Variants in BMPR1A observed in about 807,000 individuals in gnomAD.
The protein encoded by BMPR1A is bone morphogenetic protein receptor type 1A, also known as bone morphogenetic protein receptor type-1A.
In BMPR1A, 7 loss-of-function variants were observed where a neutral mutation model predicts 66.0. The observed-to-expected ratio is 0.11, with a 90% CI of 0.06 to 0.20. The LOEUF (loss-of-function observed/expected upper bound fraction) is 0.20, where lower values mean the gene tolerates loss of function less well. Ranked by LOEUF, BMPR1A falls within the 10% of genes least tolerant of loss-of-function variation. The pLI is 1.00. For missense variants in BMPR1A, 408 were observed against 669.1 expected, an observed-to-expected ratio of 0.61 and a Z score of 4.31; for synonymous variants, 200 against 229.7, an observed-to-expected ratio of 0.87 and a Z score of 1.17.
intron 2 of BMPR1A, among the ~76,000 whole-genome samples, chr10:86,874,709 CTTTTT>C (rs200991488): frequency 5.4e-5 from 5 of 92,436 alleles, no homozygotes; most frequent in African/African-American, 2.0e-4. Flanking sequence ...ACCCGACCTT[CTTTTT>C]TTTTTTTTTT....
At chr10:86,857,151 C>T (rs2133213315) in intron 2 of BMPR1A, among the ~76,000 whole-genome samples, 1 of 152,234 alleles carries the variant, frequency 6.6e-6, no homozygotes, top group Admixed American at 6.5e-5. Flanking sequence ...GTGTTCTCTC[C>T]TTTCTTCCTT....
In BMPR1A at chr10:86,876,099, C is replaced by G. The variant is rs2133322204; in HGVS notation, c.67+14C>G. ...CTCGTGTTCAAGGTAAATCAGTGTT[C>G]ATTTTAGTAATGTATGTGTGTATAT... On this transcript the variant is annotated intron_variant, in intron 3 of 12. Coordinates refer to ENST00000372037, the MANE Select transcript of BMPR1A (RefSeq NM_004329.3). 2 of 1,599,388 alleles carry G rather than the reference C, an allele frequency of 1.3e-6. No homozygotes were observed. Among genetic ancestry groups the G allele is most frequent in the South Asian group, 1.1e-5 (1 of 90,756 alleles).
chr10:86,862,787 A>G (rs771937556), intron 2 of BMPR1A, among the ~76,000 whole-genome samples: 1 of 152,120 alleles, frequency 6.6e-6, no homozygotes, highest in Non-Finnish European at 1.5e-5. Flanking sequence ...GATATTCTAA[A>G]AATAAAAAAA....
At chr10:86,831,916 A>G (rs1225895675) in intron 1 of BMPR1A, among the ~76,000 whole-genome samples, 1 of 152,226 alleles carries the variant, frequency 6.6e-6, no homozygotes, top group East Asian at 1.9e-4. Context: ...CAGGCACTGT[A>G]CTGTGTATCA....
chr10:86,765,642 A>G (rs1267164182), intron 1 of BMPR1A, among the ~76,000 whole-genome samples: 1 of 152,140 alleles, frequency 6.6e-6, no homozygotes, highest in Non-Finnish European at 1.5e-5. Flanking sequence ...AACTTTTAAT[A>G]TGCTAATACA....
intron 1 of BMPR1A, among the ~76,000 whole-genome samples, chr10:86,769,061 C>G (rs1425566877): frequency 2.0e-5 from 3 of 152,178 alleles, no homozygotes; most frequent in African/African-American, 7.2e-5. Flanking sequence ...TAAATCTGAT[C>G]TTGTTGCTTT....
intron 2 of BMPR1A, among the ~76,000 whole-genome samples, chr10:86,867,406 C>G (rs1842800048): frequency 6.6e-6 from 1 of 152,232 alleles, no homozygotes. Flanking sequence ...GACCCTCTCC[C>G]TTTCCAGACA....
At chr10:86,830,922 C>CACGA (rs1435833662) in intron 1 of BMPR1A, among the ~76,000 whole-genome samples, 1 of 152,064 alleles carries the variant, frequency 6.6e-6, no homozygotes, top group African/African-American at 2.4e-5. Context: ...CCCAGACGGC[C>CACGA]ACGAATCTAC....
intron 2 of BMPR1A, among the ~76,000 whole-genome samples, chr10:86,846,239 G>A (rs1842483812): frequency 1.3e-5 from 2 of 152,148 alleles, no homozygotes; most frequent in Non-Finnish European, 2.9e-5. Context: ...AGTGGCAGTA[G>A]TTAGGTCACC....
intron 1 of BMPR1A, among the ~76,000 whole-genome samples, chr10:86,837,748 G>A (rs1368845277): frequency 2.0e-5 from 3 of 152,164 alleles, no homozygotes; most frequent in African/African-American, 4.8e-5. Context: ...AGTGCATTGA[G>A]AAGACTGAAA....
intron 2 of BMPR1A, among the ~76,000 whole-genome samples, chr10:86,868,587 C>A (rs532525322): frequency 1.3e-5 from 2 of 152,088 alleles, no homozygotes; most frequent in African/African-American, 4.8e-5. Context: ...AGCTGCCTGG[C>A]GGGGAGGGAC....
At chr10:86,888,124 A>G (rs913370512) in intron 3 of BMPR1A, among the ~76,000 whole-genome samples, 5 of 150,070 alleles carry the variant, frequency 3.3e-5, no homozygotes, top group African/African-American at 7.4e-5. Context: ...GATGAGTAAT[A>G]TATGTATGTA....
Position 86,788,947 on chromosome 10 carries a change from T to TA in BMPR1A, c.-268+32036dup, listed in dbSNP as rs1011521144. Among the ~76,000 whole-genome samples, 4 of 151,934 alleles carry TA rather than the reference T, an allele frequency of 2.6e-5. No individual in the cohort carries two copies. The South Asian group carries it at 6.3e-4, about 24-fold the overall frequency. On this transcript the variant is annotated intron_variant, in intron 1 of 12. Transcript: ENST00000372037. Reference sequence around the variant, plus strand: ...TTTCCACCATGGCTTTTTCCATTATTAAAAAAAATGGCATAACTCTTCCTC... The same window carrying TA: ...TTTCCACCATGGCTTTTTCCATTATTAAAAAAAAATGGCATAACTCTTCCTC...
chr10:86,930,873 T>A (rs943590699), downstream of BMPR1A: 1 of 152,198 alleles, frequency 6.6e-6, no homozygotes, highest in Non-Finnish European at 1.5e-5. Context: ...CCTGAGTAGC[T>A]GGGACCATGC....
chr10:86,919,535 T>C, intron 10 of BMPR1A, 66 bp downstream of exon 10: 1 of 1,577,406 alleles, frequency 6.3e-7, no homozygotes, highest in Non-Finnish European at 8.7e-7. Context: ...TCCCTATTTG[T>C]ATTCAAGATA....
At chr10:86,898,231 A>T (rs1336939005) in intron 5 of BMPR1A, among the ~76,000 whole-genome samples, 1 of 150,890 alleles carries the variant, frequency 6.6e-6, no homozygotes, top group Non-Finnish European at 1.5e-5. Flanking sequence ...TTTTAAAGAA[A>T]AGGGACGTAT....
intron 1 of BMPR1A, among the ~76,000 whole-genome samples, chr10:86,819,767 A>T (rs897431843): frequency 2.0e-5 from 3 of 152,218 alleles, no homozygotes; most frequent in African/African-American, 7.2e-5. Flanking sequence ...CCGGTAGGGT[A>T]ACAGTCTCCA....
At chr10:86,760,612 A>G (rs545049365) in intron 1 of BMPR1A, among the ~76,000 whole-genome samples, 71 of 152,268 alleles carry the variant, frequency 4.7e-4, no homozygotes, top group African/African-American at 1.7e-3. Flanking sequence ...TTTCTTGCAT[A>G]TTAAAAGGAA....
chr10:86,840,166 TA>T (rs1842405404), intron 2 of BMPR1A, among the ~76,000 whole-genome samples: 1 of 152,180 alleles, frequency 6.6e-6, no homozygotes, highest in Non-Finnish European at 1.5e-5. Flanking sequence ...ATCTACATTT[TA>T]AGAAATAGAT....
Sources: allele counts gnomAD v4.1 joint callset (sites outside exome capture counted in the v4.1 genomes callset), GRCh38; gene constraint gnomAD v4.1.1; transcripts MANE v1.5; gene names NCBI Gene and HGNC (gene_info 2026-07-23, HGNC 2026-07-21).